The following IL1RAPL2 variants were observed in gnomAD, a reference collection of about 807,000 sequenced individuals.
The protein encoded by IL1RAPL2 is X-linked interleukin-1 receptor accessory protein-like 2.
IL1RAPL2 carries 3 observed loss-of-function variants against 44.1 expected under a neutral mutation model. The observed-to-expected ratio is 0.07, with a 90% CI of 0.03 to 0.18. IL1RAPL2 has a LOEUF of 0.18. Among genes scored for constraint, IL1RAPL2 ranks in the 10% least tolerant of loss-of-function variants. The pLI, the probability that IL1RAPL2 is intolerant of heterozygous loss-of-function variation, is 1.00. For synonymous variants in IL1RAPL2, 181 were observed against 178.8 expected, an observed-to-expected ratio of 1.01 and a Z score of -0.10; for missense variants, 391 against 496.4, an observed-to-expected ratio of 0.79 and a Z score of 2.02.
intron 2 of IL1RAPL2, among the ~76,000 whole-genome samples, chrX:104,718,558 T>C (rs1369228411): frequency 9.0e-6 from 1 of 110,846 alleles, no homozygotes; most frequent in Non-Finnish European, 1.9e-5. Flanking sequence ...CAGTTTCCCC[T>C]GTGTACTCTC....
chrX:105,426,612 G>T (rs1180794026), intron 5 of IL1RAPL2, among the ~76,000 whole-genome samples: 1 of 108,711 alleles, frequency 9.2e-6, no homozygotes, highest in Non-Finnish European at 1.9e-5. Context: ...TTTATTGCCT[G>T]CCCCCTCCCA....
At chrX:105,043,900 C>A (rs1385904971) in intron 2 of IL1RAPL2, among the ~76,000 whole-genome samples, 1 of 112,002 alleles carries the variant, frequency 8.9e-6, no homozygotes, top group Non-Finnish European at 1.9e-5. Context: ...TAAATAATAA[C>A]AACAAACTAA....
At position 104,604,371 on chromosome X, in the gene IL1RAPL2, A is replaced by G. The variant is rs751403687; in HGVS notation, c.-20+37320A>G. 6.3e-5 allele frequency among the ~76,000 whole-genome samples: 7 copies of G among 111,381 alleles called. No individual in the cohort carries two copies. The East Asian group carries it at 1.7e-3, about 27-fold the overall frequency. On this transcript the variant is annotated intron_variant, in intron 1 of 10. Transcript: ENST00000372582. ...AAAAACATACCAAATTGTAAAGACC[A>G]TCAACACTATGAAGAAACTGCATCA...
At chrX:105,610,620 CAA>C (rs1156355746) in intron 6 of IL1RAPL2, among the ~76,000 whole-genome samples, 1 of 111,736 alleles carries the variant, frequency 8.9e-6, no homozygotes, top group African/African-American at 3.3e-5. Flanking sequence ...AAGATTATAA[CAA>C]AGCTGAAAAA....
chrX:104,764,570 A>G (rs1368543289), intron 2 of IL1RAPL2, among the ~76,000 whole-genome samples: 2 of 111,794 alleles, frequency 1.8e-5, no homozygotes, highest in African/African-American at 6.5e-5. Flanking sequence ...TGATTGCTCT[A>G]TCATGGACTT....
intron 2 of IL1RAPL2, among the ~76,000 whole-genome samples, chrX:105,060,585 C>CTTTTTTTTTTTTTTTTTTGTTTTTTTT (rs2032061177): frequency 1.4e-5 from 1 of 70,170 alleles, no homozygotes; most frequent in Non-Finnish European, 2.7e-5. Flanking sequence ...TTTTCTTTTT[C>CTTTTTTTTTTTTTTTTTTGTTTTTTTT]TTTTTTTTTT....
intron 2 of IL1RAPL2, among the ~76,000 whole-genome samples, chrX:105,002,523 G>A (rs749313442): frequency 6.3e-5 from 7 of 110,826 alleles, no homozygotes; most frequent in African/African-American, 2.0e-4. Context: ...TTGAAGTCAC[G>A]AAAGAATTGA....
rs2034094906 is a variant in IL1RAPL2, at chrX:105,233,739, A to C, written c.357-79A>C. On this transcript the variant is annotated intron_variant, in intron 3 of 10. Coordinates refer to ENST00000372582, the MANE Select transcript of IL1RAPL2 (RefSeq NM_017416.2). ...GGCAAGGTCCTAAATGGAAAAGCCAATACTCTTGAAATATATAGAGCACAA... is the reference window on the plus strand; with the variant it reads ...GGCAAGGTCCTAAATGGAAAAGCCACTACTCTTGAAATATATAGAGCACAA... 7.2e-6 allele frequency: 6 copies of C among 830,357 alleles called. No homozygotes were observed. In the East Asian group the frequency reaches 1.9e-4, roughly 27 times the overall value. 68.4% of individuals were successfully genotyped at this position (830,357 alleles called of 1,213,427 possible).
rs1177391350 is a variant in IL1RAPL2, at chrX:105,288,564, T to C, written c.697+21023T>C. On this transcript the variant is annotated intron_variant, in intron 5 of 10. Transcript: ENST00000372582. ...GCCCATTTTTTTATTGTTTTATTTATATAACTTCTAAATATATTTTACACA... is the reference window on the plus strand; with the variant it reads ...GCCCATTTTTTTATTGTTTTATTTACATAACTTCTAAATATATTTTACACA... Among the ~76,000 whole-genome samples, 6 of 111,899 alleles carry C rather than the reference T, an allele frequency of 5.4e-5. No individual in the cohort carries two copies. The Admixed American group carries it at 5.7e-4, about 11-fold the overall frequency.
At chrX:104,777,618 C>A (rs1932740903) in intron 2 of IL1RAPL2, among the ~76,000 whole-genome samples, 1 of 106,204 alleles carries the variant, frequency 9.4e-6, no homozygotes, top group African/African-American at 3.4e-5. Context: ...CCTCTGTCAC[C>A]CAGGCTGGAA....
intron 2 of IL1RAPL2, among the ~76,000 whole-genome samples, chrX:104,742,967 C>T (rs1191146795): frequency 8.9e-6 from 1 of 111,940 alleles, no homozygotes; most frequent in African/African-American, 3.2e-5. Flanking sequence ...ATTCTAGTGT[C>T]TCTTCTGAAT....
chrX:105,387,952 C>T (rs987175289), intron 5 of IL1RAPL2, among the ~76,000 whole-genome samples: 2 of 106,168 alleles, frequency 1.9e-5, no homozygotes, highest in Admixed American at 2.1e-4. Context: ...AGTTCGAGAC[C>T]AGCGTGACCA....
chrX:105,628,659 G>A (rs866047964), intron 6 of IL1RAPL2, among the ~76,000 whole-genome samples: 3 of 112,066 alleles, frequency 2.7e-5, no homozygotes, highest in Non-Finnish European at 3.8e-5. Context: ...AGGGGACCAC[G>A]CATGGTGGCT....
chrX:104,755,456 C>T (rs1932326441), intron 2 of IL1RAPL2, among the ~76,000 whole-genome samples: 1 of 109,823 alleles, frequency 9.1e-6, no homozygotes, highest in Admixed American at 9.7e-5. Flanking sequence ...ATAATCTGTA[C>T]ACCAAATCCA....
intron 2 of IL1RAPL2, among the ~76,000 whole-genome samples, chrX:104,996,048 T>A (rs770491955): frequency 4.5e-5 from 5 of 111,762 alleles, no homozygotes; most frequent in Non-Finnish European, 9.4e-5. Flanking sequence ...ATCAGAGCAA[T>A]ACATAGTGTT....
chrX:104,825,242 T>C (rs1035363294), intron 2 of IL1RAPL2, among the ~76,000 whole-genome samples: 3 of 111,804 alleles, frequency 2.7e-5, no homozygotes, highest in Non-Finnish European at 5.6e-5. Flanking sequence ...CTTTGGGGGT[T>C]AGCTCAAAGG....
intron 2 of IL1RAPL2, among the ~76,000 whole-genome samples, chrX:105,121,896 C>T (rs1212379071): frequency 9.0e-6 from 1 of 111,020 alleles, no homozygotes; most frequent in Non-Finnish European, 1.9e-5. Flanking sequence ...CTTGTGTATG[C>T]CTCACTGTCA....
At chrX:105,581,278 T>A (rs1028132938) in intron 6 of IL1RAPL2, among the ~76,000 whole-genome samples, 2 of 111,777 alleles carry the variant, frequency 1.8e-5, no homozygotes, top group East Asian at 5.6e-4. Flanking sequence ...AAATCACAAG[T>A]GTTCTTTATA....
intron 2 of IL1RAPL2, among the ~76,000 whole-genome samples, chrX:104,755,868 A>C (rs1191995780): frequency 9.0e-6 from 1 of 111,439 alleles, no homozygotes; most frequent in South Asian, 3.7e-4. Flanking sequence ...ACAAAACCCA[A>C]ATTTACAACC....
Sources: allele counts gnomAD v4.1 joint callset (sites outside exome capture counted in the v4.1 genomes callset), GRCh38; gene constraint gnomAD v4.1.1; transcripts MANE v1.5; gene names NCBI Gene and HGNC (gene_info 2026-07-23, HGNC 2026-07-21).